The following CMIP variants were observed in gnomAD, a reference collection of about 807,000 sequenced individuals.
CMIP encodes C-Maf-inducing protein.
CMIP carries 13 observed loss-of-function variants against 97.3 expected under a neutral mutation model. The observed-to-expected ratio is 0.13, with a 90% CI of 0.09 to 0.21. The LOEUF (loss-of-function observed/expected upper bound fraction) is 0.21, where lower values mean the gene tolerates loss of function less well. Among genes scored for constraint, CMIP ranks in the 10% least tolerant of loss-of-function variants. The probability of loss-of-function intolerance (pLI) is 1.00; values close to 1 mark genes in which losing one functional copy is unlikely to be tolerated. For missense variants in CMIP, 847 were observed against 1,024.9 expected, an observed-to-expected ratio of 0.83 and a Z score of 2.37; for synonymous variants, 538 against 436.3, an observed-to-expected ratio of 1.23 and a Z score of -2.91.
chr16:81,707,539 C>G (rs894705841), intron 20 of CMIP, among the ~76,000 whole-genome samples: 1 of 152,116 alleles, frequency 6.6e-6, no homozygotes, highest in Non-Finnish European at 1.5e-5. Flanking sequence ...CATGCTCTGG[C>G]TGTTAGGAAA....
At chr16:81,501,571 G>C in intron 1 of CMIP, among the ~76,000 whole-genome samples, 1 of 151,732 alleles carries the variant, frequency 6.6e-6, no homozygotes, top group Non-Finnish European at 1.5e-5. Context: ...CAGGATGGGT[G>C]TGGCATGGGC....
In CMIP at chr16:81,455,941, C is replaced by T. The variant is rs556104064; in HGVS notation, c.300+10400C>T. 3.7e-4 allele frequency among the ~76,000 whole-genome samples: 56 copies of T among 152,298 alleles called. 1 individual carries two copies. In the South Asian group the frequency reaches 9.9e-3, roughly 27 times the overall value. On this transcript the variant is annotated intron_variant, in intron 1 of 20. Transcript: ENST00000537098. ...ACACAGTTGGGCACCTTGTAGGCGACGCAGGAGTGGCACTCTGCCTCTTGT... is the reference window on the plus strand; with the variant it reads ...ACACAGTTGGGCACCTTGTAGGCGATGCAGGAGTGGCACTCTGCCTCTTGT...
At chr16:81,518,108 G>C (rs1401097710) in intron 1 of CMIP, 1 of 156,022 alleles carries the variant, frequency 6.4e-6, no homozygotes, top group African/African-American at 2.4e-5. Flanking sequence ...TCGGAAGGCT[G>C]GGGTCAATGG....
At chr16:81,495,014 C>G (rs2089464411) in intron 1 of CMIP, among the ~76,000 whole-genome samples, 1 of 152,144 alleles carries the variant, frequency 6.6e-6, no homozygotes, top group African/African-American at 2.4e-5. Context: ...CACCCACACA[C>G]AATTCTGATG....
intron 1 of CMIP, among the ~76,000 whole-genome samples, chr16:81,581,230 C>A (rs191717247): frequency 6.6e-6 from 1 of 152,080 alleles, no homozygotes; most frequent in South Asian, 2.1e-4. Flanking sequence ...AATAAGCGGC[C>A]GTGAGCATTC....
At chr16:81,609,136 C>G (rs977109504) in intron 2 of CMIP, among the ~76,000 whole-genome samples, 2 of 152,216 alleles carry the variant, frequency 1.3e-5, no homozygotes, top group African/African-American at 2.4e-5. Context: ...ACTCTGCCCT[C>G]TACGCTTTTC....
intron 1 of CMIP, among the ~76,000 whole-genome samples, chr16:81,528,439 G>T (rs1469655275): frequency 2.6e-5 from 4 of 152,204 alleles, no homozygotes; most frequent in Admixed American, 6.5e-5. Flanking sequence ...GTACCTTGAA[G>T]CTGTGCTCAT....
intron 10 of CMIP, among the ~76,000 whole-genome samples, chr16:81,682,133 G>A (rs943570574): frequency 6.6e-6 from 1 of 152,146 alleles, no homozygotes; most frequent in African/African-American, 2.4e-5. Context: ...AACCCCGGGG[G>A]GCGGAGGTTG....
At chr16:81,633,172 C>T (rs534177452) in intron 3 of CMIP, among the ~76,000 whole-genome samples, 46 of 152,302 alleles carry the variant, frequency 3.0e-4, no homozygotes, top group Admixed American at 6.5e-4. Flanking sequence ...GTTTTTAAAA[C>T]GTAAATGAGA....
chr16:81,656,220 G>A (rs2092480132), intron 4 of CMIP, among the ~76,000 whole-genome samples: 1 of 152,262 alleles, frequency 6.6e-6, no homozygotes, highest in Middle Eastern at 3.4e-3. Context: ...CGCAGCCCTC[G>A]GGAGCCAGCT....
chr16:81,492,315 T>C, intron 1 of CMIP, among the ~76,000 whole-genome samples: 1 of 152,196 alleles, frequency 6.6e-6, no homozygotes, highest in East Asian at 1.9e-4. Flanking sequence ...TAACTTCACG[T>C]GTTGAAAATG....
Position 81,627,065 on chromosome 16 carries a change from T to A in CMIP, c.477+6139T>A, listed in dbSNP as rs2092082467. On this transcript the variant is annotated intron_variant, in intron 3 of 20. Coordinates refer to ENST00000537098, the MANE Select transcript of CMIP (RefSeq NM_198390.3). The surrounding 1 kb of genome is among the most constrained non-coding windows in gnomAD (Gnocchi z 4.6). Reference sequence around the variant, plus strand: ...TGGCATGTGAGGTGACTGTTTTATGTGTGTGTTTGTGTATGTGTGGTGTGT... The same window carrying A: ...TGGCATGTGAGGTGACTGTTTTATGAGTGTGTTTGTGTATGTGTGGTGTGT... Among the ~76,000 whole-genome samples the A allele has an allele frequency of 6.8e-6, 1 of 147,874 alleles. No homozygotes were observed. Among genetic ancestry groups the A allele is most frequent in the Non-Finnish European group, 1.5e-5 (1 of 66,996 alleles).
At chr16:81,484,521 C>T (rs1243206505) in intron 1 of CMIP, among the ~76,000 whole-genome samples, 1 of 152,182 alleles carries the variant, frequency 6.6e-6, no homozygotes, top group African/African-American at 2.4e-5. Flanking sequence ...CCTCCCCGCC[C>T]AGTACAAGCA....
chr16:81,472,500 C>T (rs1907620041), intron 1 of CMIP, among the ~76,000 whole-genome samples: 1 of 152,222 alleles, frequency 6.6e-6, no homozygotes, highest in South Asian at 2.1e-4. Flanking sequence ...GCACTGATCA[C>T]AGCCACTCAC....
chr16:81,640,339 A>C (rs1378769933), intron 3 of CMIP, among the ~76,000 whole-genome samples: 8 of 130,078 alleles, frequency 6.2e-5, no homozygotes, highest in Admixed American at 3.1e-4. Context: ...TTCCAAACCC[A>C]GCTCCCACTT....
rs542963746 is a variant in CMIP, at chr16:81,615,215, T to A, written c.427-5661T>A. Among the ~76,000 whole-genome samples, 302 of 120,006 alleles carry A rather than the reference T, an allele frequency of 2.5e-3. 1 individual carries two copies. The highest frequency in any genetic ancestry group is 9.2e-3 in the African/African-American group (288 of 31,352). 78.7% of individuals were successfully genotyped at this position (120,006 alleles called of 152,430 possible). A position where few individuals can be genotyped will look rare whatever the true frequency, so the allele number is the denominator to read the frequency against. On this transcript the variant is annotated intron_variant, in intron 2 of 20. Coordinates refer to ENST00000537098, the MANE Select transcript of CMIP (RefSeq NM_198390.3). The stretch of plus-strand genomic sequence containing the variant: ...GGTGTGTGTGCATGTGTAACTATGG[T>A]GTGTATGTGTGTATGGTGTATGTGT...
At chr16:81,628,765 A>G (rs2092109483) in intron 3 of CMIP, among the ~76,000 whole-genome samples, 1 of 152,182 alleles carries the variant, frequency 6.6e-6, no homozygotes, top group Non-Finnish European at 1.5e-5. Context: ...ACATCTGGGT[A>G]GAGCCTGGGT....
intron 11 of CMIP, 134 bp downstream of exon 11, chr16:81,691,974 AC>A: frequency 1.3e-6 from 1 of 765,264 alleles, no homozygotes; most frequent in Non-Finnish European, 2.3e-6. Context: ...AGACGTCGGT[AC>A]CAGCTCAGCC....
At chr16:81,520,623 G>T (rs1480673898) in intron 1 of CMIP, 2 of 148,614 alleles carry the variant, frequency 1.3e-5, no homozygotes, top group Non-Finnish European at 3.0e-5. Flanking sequence ...GAAAGAAAAA[G>T]AAAGAAAATC....
Sources: gnomAD v4.1 joint callset for allele counts (sites outside exome capture counted in the v4.1 genomes callset) on GRCh38, gnomAD v4.1.1 for gene constraint, Gnocchi (gnomAD v3.1) non-coding constraint, MANE v1.5 for transcripts, NCBI Gene and HGNC (gene_info 2026-07-23, HGNC 2026-07-21) for gene names.